TBX15: variants seen among roughly 807,000 people sequenced by gnomAD.
TBX15 encodes T-box transcription factor TBX15.
TBX15 carries 18 observed loss-of-function variants against 53.9 expected under a neutral mutation model. That is an observed-to-expected ratio of 0.33 (90% CI 0.23 to 0.49). The LOEUF (loss-of-function observed/expected upper bound fraction) is 0.49. TBX15 is among the 20% of genes least tolerant of loss of function. The pLI is 0.98. For missense variants in TBX15, 692 were observed against 749.5 expected (o/e 0.92, Z 0.90); for synonymous variants, 295 against 278.0 (o/e 1.06, Z -0.61).
At chr1:118,942,257 G>A (rs1656201390) in intron 1 of TBX15, among the ~76,000 whole-genome samples, 2 of 152,208 alleles carry the variant, frequency 1.3e-5, no homozygotes, top group East Asian at 3.8e-4. Flanking sequence ...TGTATTTAGA[G>A]GGCAGCAATC....
rs55993133 is a variant in TBX15, at chr1:118,890,987, A to G, written c.1025-5471T>C. 3,478 of 1,276,586 alleles carry G rather than the reference A, an allele frequency of 2.7e-3. 84 individuals are homozygous for G. The African/African-American group carries it at 0.048, about 18-fold the overall frequency. The allele number at this position is 1,276,586 out of a possible 1,614,324, so 79.1% of individuals were successfully genotyped here. On this transcript the variant is annotated intron_variant, in intron 7 of 7. Transcript: ENST00000369429. ...GAGGCTTTCAAACAGGTAAAAGGTAAAATATCAGCACCCTATAGACTGATC... is the reference window on the plus strand; with the variant it reads ...GAGGCTTTCAAACAGGTAAAAGGTAGAATATCAGCACCCTATAGACTGATC...
At chr1:118,958,301 C>T (rs1656759082) in intron 1 of TBX15, among the ~76,000 whole-genome samples, 1 of 152,200 alleles carries the variant, frequency 6.6e-6, no homozygotes, top group Non-Finnish European at 1.5e-5. Flanking sequence ...AGAGAGCTCT[C>T]ACCAGAGCCC....
intron 1 of TBX15, among the ~76,000 whole-genome samples, chr1:118,932,470 C>A (rs1326440898): frequency 1.3e-5 from 2 of 152,054 alleles, no homozygotes; most frequent in Non-Finnish European, 2.9e-5. Context: ...GGGAAAAAAA[C>A]CTCTGTTGTG....
chr1:118,906,981 A>G (rs192129618), intron 6 of TBX15, among the ~76,000 whole-genome samples: 2 of 152,334 alleles, frequency 1.3e-5, no homozygotes, highest in African/African-American at 2.4e-5. Flanking sequence ...AGAGCCTGCC[A>G]CTGGCTCCTT....
chr1:118,884,453 C>G lies in TBX15; in HGVS notation c.*279G>C, dbSNP rs917854749. The G allele has an allele frequency of 2.5e-5, 12 of 486,926 alleles. No individual in the cohort carries two copies. The highest frequency in any genetic ancestry group is 7.0e-5 in the Admixed American group (2 of 28,662). The allele number at this position is 486,926 out of a possible 1,614,324, so 30.2% of individuals were successfully genotyped here. On this transcript the variant is annotated 3_prime_UTR_variant, in exon 8 of 8. Coordinates refer to ENST00000369429, the MANE Select transcript of TBX15 (RefSeq NM_001330677.2). ...CATTATGACGAAGTGATTATTCAGTCTCTTCAAAGGCCACTCTGGAACAGA... is the reference window on the plus strand; with the variant it reads ...CATTATGACGAAGTGATTATTCAGTGTCTTCAAAGGCCACTCTGGAACAGA...
At chr1:118,893,502 G>GAAAGAA (rs980229612) in intron 7 of TBX15, among the ~76,000 whole-genome samples, 2 of 123,150 alleles carry the variant, frequency 1.6e-5, no homozygotes, top group East Asian at 2.2e-4. Flanking sequence ...AAGAAAGAAA[G>GAAAGAA]AAAGAAAGAA....
At chr1:118,954,540 CT>C (rs1456623187) in intron 1 of TBX15, among the ~76,000 whole-genome samples, 1 of 152,192 alleles carries the variant, frequency 6.6e-6, no homozygotes, top group Non-Finnish European at 1.5e-5. Flanking sequence ...AGAGCATTCA[CT>C]TGGCCAAGGA....
intron 6 of TBX15, among the ~76,000 whole-genome samples, chr1:118,903,271 G>A (rs1455684557): frequency 1.3e-5 from 2 of 152,076 alleles, no homozygotes; most frequent in Non-Finnish European, 2.9e-5. Context: ...GCAAGCCAAG[G>A]ACCTCTTTTG....
intron 1 of TBX15, among the ~76,000 whole-genome samples, chr1:118,935,103 C>G (rs188188285): frequency 1.6e-4 from 24 of 152,120 alleles, no homozygotes; most frequent in African/African-American, 5.6e-4. Context: ...AGCAACCCTA[C>G]AAAACCCTTA....
chr1:118,884,743 G>A lies in TBX15; in HGVS notation c.1798C>T (p.His600Tyr), dbSNP rs1270539835. ...VPGSSSQMSV[H>Y]MV ...GTTTGGACTGGCCTTTAAACCATGT[G>A]CACGGACATCTGGGAGGAGGAGCCT... The change falls in exon 8 of 8, where the codon CAC (histidine) becomes TAC (tyrosine). Residue 600 changes from histidine to tyrosine, a missense_variant. This residue lies in a region of TBX15 where 375 missense variants were observed against 371.6 expected (regional missense o/e 1.01). Transcript: ENST00000369429. 9 of 1,613,892 alleles carry A rather than the reference G, an allele frequency of 5.6e-6. No homozygotes were observed. The Admixed American group carries it at 1.0e-4, about 18-fold the overall frequency.
At chr1:118,932,637 A>G (rs1655835546) in intron 1 of TBX15, among the ~76,000 whole-genome samples, 1 of 152,106 alleles carries the variant, frequency 6.6e-6, no homozygotes, top group African/African-American at 2.4e-5. Context: ...AACCAAATAA[A>G]AAGTTGGCAT....
intron 4 of TBX15, among the ~76,000 whole-genome samples, 175 bp from the exon 5 acceptor site, chr1:118,923,778 G>A (rs914497854): frequency 2.6e-5 from 4 of 152,196 alleles, no homozygotes; most frequent in Non-Finnish European, 5.9e-5. Flanking sequence ...TGATTAAATA[G>A]CATTACATGG....
At position 118,905,451 on chromosome 1, in the gene TBX15, G is replaced by A. The variant is rs1182997257; in HGVS notation, c.927-6326C>T. Among the ~76,000 whole-genome samples, 4 of 152,146 alleles carry A rather than the reference G, an allele frequency of 2.6e-5. No homozygotes were observed. In the East Asian group the frequency reaches 7.7e-4, roughly 29 times the overall value. On this transcript the variant is annotated intron_variant, in intron 6 of 7. Coordinates refer to ENST00000369429, the MANE Select transcript of TBX15 (RefSeq NM_001330677.2). ...TGACAAGGGAGGGCGAACAAATAAGGCAGAAAAAATGTTAAGTACTGGATA... is the reference window on the plus strand; with the variant it reads ...TGACAAGGGAGGGCGAACAAATAAGACAGAAAAAATGTTAAGTACTGGATA...
chr1:118,931,830 A>T lies in TBX15; in HGVS notation c.208T>A (p.Ser70Thr). 6.4e-7 allele frequency: 1 copy of T among 1,565,938 alleles called. No homozygotes were observed. The change falls in exon 2 of 8, where the codon TCT (serine) becomes ACT (threonine). Residue 70 changes from serine (S) to threonine (T), a missense_variant and splice_region_variant. Around this residue, in one of 3 missense-constraint regions of TBX15, gnomAD observed 307 missense variants for 347.5 expected, o/e 0.88. Transcript: ENST00000369429. ...GAATCTGAACCAGTGCTCTGCTCAG[A>T]ATCTGCAAAATAAACAATCAAGCCT... ...AAHGLEPHPD[S>T]EQSTGSDSEV...
chr1:118,883,900 T>C lies in TBX15; in HGVS notation c.*832A>G, dbSNP rs559704954. The C allele has an allele frequency of 6.5e-6, 1 of 152,854 alleles. No homozygotes were observed. The highest frequency in any genetic ancestry group is 2.1e-4 in the South Asian group (1 of 4,830). The allele number at this position is 152,854 out of a possible 1,614,324, so 9.5% of individuals were successfully genotyped here. Reference sequence around the variant, plus strand: ...CCTTGGTGAATTAAAATTCTCATCATTGCTCACACTTTCTCTGTCAGTCTT... The same window carrying C: ...CCTTGGTGAATTAAAATTCTCATCACTGCTCACACTTTCTCTGTCAGTCTT... On this transcript the variant is annotated 3_prime_UTR_variant, in exon 8 of 8. Coordinates refer to ENST00000369429, the MANE Select transcript of TBX15 (RefSeq NM_001330677.2).
At chr1:118,962,340 C>T (rs1436474788) in intron 1 of TBX15, among the ~76,000 whole-genome samples, 1 of 152,122 alleles carries the variant, frequency 6.6e-6, no homozygotes, top group African/African-American at 2.4e-5. Context: ...AACCTCAAAT[C>T]GTGCCTACAT....
intron 6 of TBX15, among the ~76,000 whole-genome samples, chr1:118,901,776 G>A (rs1160476811): frequency 6.6e-6 from 1 of 152,040 alleles, no homozygotes; most frequent in African/African-American, 2.4e-5. Flanking sequence ...TCACCCTCTG[G>A]TTCCATTACC....
chr1:118,884,711 C>T lies in TBX15; in HGVS notation c.*21G>A, dbSNP rs760984537. ...TCTGGGGCCTTGATTGCCAAATGCT[C>T]CGTGGTGTTTGGACTGGCCTTTAAA... On this transcript the variant is annotated 3_prime_UTR_variant, in exon 8 of 8. Coordinates refer to ENST00000369429, the MANE Select transcript of TBX15 (RefSeq NM_001330677.2). 9.3e-6 allele frequency: 15 copies of T among 1,613,720 alleles called. No homozygotes were observed. The South Asian group carries it at 1.2e-4, about 13-fold the overall frequency.
In TBX15 at chr1:118,883,439, G is replaced by A. The variant is rs886214893; in HGVS notation, c.*1293C>T. ...TGATAAAAATGGAGATCTAAGGGCAGGTAGAAGGGTATAGAAGACCCATCT... is the reference window on the plus strand; with the variant it reads ...TGATAAAAATGGAGATCTAAGGGCAAGTAGAAGGGTATAGAAGACCCATCT... On this transcript the variant is annotated 3_prime_UTR_variant, in exon 8 of 8. Coordinates refer to ENST00000369429, the MANE Select transcript of TBX15 (RefSeq NM_001330677.2). The A allele has an allele frequency of 5.3e-5, 8 of 152,330 alleles. No individual in the cohort carries two copies. Among genetic ancestry groups the A allele is most frequent in the African/African-American group, 1.7e-4 (7 of 41,432 alleles). 9.4% of individuals were successfully genotyped at this position (152,330 alleles called of 1,614,324 possible).
Sources: gnomAD v4.1 joint callset for allele counts (sites outside exome capture counted in the v4.1 genomes callset) on GRCh38, gnomAD v4.1.1 for gene constraint, gnomAD v4.1.1 regional missense constraint, MANE v1.5 for transcripts, NCBI Gene and HGNC (gene_info 2026-07-23, HGNC 2026-07-21) for gene names.